The following CEBPZ variants were observed in gnomAD, a reference collection of about 807,000 sequenced individuals.
The protein encoded by CEBPZ is CCAAT/enhancer-binding protein zeta.
CEBPZ carries 78 observed loss-of-function variants against 104.5 expected under a neutral mutation model. That is an observed-to-expected ratio of 0.75 (90% CI 0.62 to 0.90). CEBPZ has a LOEUF of 0.90. Among genes scored for constraint, CEBPZ ranks in the 40% least tolerant of loss-of-function variants. CEBPZ has a pLI of 0.00. For missense variants in CEBPZ, 1,439 were observed against 1,233.5 expected (o/e 1.17, Z -2.50); for synonymous variants, 470 against 427.0 (o/e 1.10, Z -1.24).
At position 37,231,361 on chromosome 2, in the gene CEBPZ, C is replaced by T. The variant is rs201830007; in HGVS notation, c.156+51G>A. 1,748 of 1,610,690 alleles carry T rather than the reference C, an allele frequency of 1.1e-3. 2 individuals are homozygous for T. The highest frequency in any genetic ancestry group is 2.2e-3 in the South Asian group (204 of 90,926). ...GCGGCGGGGCAGTCAGCCTAGCCAC[C>T]TTCGGAACTCTCCACGCCTGATCCC... On this transcript the variant is annotated intron_variant, in intron 1 of 15. Transcript: ENST00000234170.
intron 10 of CEBPZ, chr2:37,212,703 G>C (rs1417521532): frequency 1.1e-5 from 4 of 361,542 alleles, no homozygotes; most frequent in Non-Finnish European, 2.0e-5. Context: ...TACTCTATTA[G>C]AACTACTTAA....
At position 37,211,593 on chromosome 2, in the gene CEBPZ, A is replaced by G. The variant is rs139775347; in HGVS notation, c.2800+250T>C. The G allele has an allele frequency of 5.5e-5, 24 of 436,252 alleles. No individual in the cohort carries two copies. The East Asian group carries it at 8.2e-4, about 15-fold the overall frequency. The allele number at this position is 436,252 out of a possible 1,614,324, so 27.0% of individuals were successfully genotyped here. A position where few individuals can be genotyped will look rare whatever the true frequency, so the allele number is the denominator to read the frequency against. The stretch of plus-strand genomic sequence containing the variant: ...AGCATTTCAGCTCAACATGTATTGT[A>G]CAGAGAAGCTAGCTGCTGGTTAAAG... On this transcript the variant is annotated intron_variant, in intron 12 of 15. Coordinates refer to ENST00000234170, the MANE Select transcript of CEBPZ (RefSeq NM_005760.3).
chr2:37,207,522 A>G lies in CEBPZ; in HGVS notation c.2884+3477T>C, dbSNP rs532213085. Among the ~76,000 whole-genome samples, 4 of 152,306 alleles carry G rather than the reference A, an allele frequency of 2.6e-5. No homozygotes were observed. In the South Asian group the frequency reaches 8.3e-4, roughly 32 times the overall value. On this transcript the variant is annotated intron_variant, in intron 13 of 15. Coordinates refer to ENST00000234170, the MANE Select transcript of CEBPZ (RefSeq NM_005760.3). ...GGAACCCTCAAAACTATATACAAAT[A>G]CATGGAAATTTAATAATCTGCTCTT...
At chr2:37,209,478 GA>G (rs1677648708) in intron 13 of CEBPZ, 1 of 152,156 alleles carries the variant, frequency 6.6e-6, no homozygotes, top group South Asian at 2.1e-4. Flanking sequence ...AGAGAACCCA[GA>G]AATAAAGCCA....
intron 13 of CEBPZ, chr2:37,209,531 CAA>C (rs1343765161): frequency 6.6e-6 from 1 of 152,032 alleles, no homozygotes; most frequent in Non-Finnish European, 1.5e-5. Flanking sequence ...TAAACAAAAA[CAA>C]AGTGGGGAAA....
In CEBPZ at chr2:37,231,456, T is replaced by C. The variant is rs1665099622; in HGVS notation, c.112A>G (p.Asn38Asp). 7 of 1,614,060 alleles carry C rather than the reference T, an allele frequency of 4.3e-6. No homozygotes were observed. The highest frequency in any genetic ancestry group is 5.9e-6 in the Non-Finnish European group (7 of 1,180,036). The stretch of plus-strand genomic sequence containing the variant: ...AACACTTCCTCCAGGGAGAACCCAT[T>C]CTCGGCTTCACTAGTATTATCCTCA... ...EDEDNTSEAE[N>D]GFSLEEVLRL... The change falls in exon 1 of 16, where the codon AAT becomes GAT. Residue 38 changes from asparagine (N) to aspartate (D), a missense_variant. Coordinates refer to ENST00000234170, the MANE Select transcript of CEBPZ (RefSeq NM_005760.3).
rs762215493 is a variant in CEBPZ, at chr2:37,220,451, G to A, written c.2088C>T (p.Tyr696=). ...ACAGAGGGTTTCTACTGAATGGATCGTATTTATTTAACTGTTTCCCACCTA... is the reference window on the plus strand; with the variant it reads ...ACAGAGGGTTTCTACTGAATGGATCATATTTATTTAACTGTTTCCCACCTA... ...NLKGGKQLNK[Y]DPFSRNPLFC... is the part of the protein sequence containing the mutation. The change falls in exon 5 of 16, where the codon TAC becomes TAT. Residue 696 remains tyrosine, a synonymous_variant. Transcript: ENST00000234170. 1.2e-5 allele frequency: 19 copies of A among 1,594,006 alleles called. No individual in the cohort carries two copies. The highest frequency in any genetic ancestry group is 9.1e-5 in the South Asian group (8 of 88,282).
In CEBPZ at chr2:37,213,980, A is replaced by G. The variant is rs1424784699; in HGVS notation, c.2448-19T>C. ...ATAATACCTATAATATTCATGTTAT[A>G]TATTTGACAATTTTATTAAAGGTCT... On this transcript the variant is annotated intron_variant, in intron 9 of 15. Coordinates refer to ENST00000234170, the MANE Select transcript of CEBPZ (RefSeq NM_005760.3). 7.5e-7 allele frequency: 1 copy of G among 1,340,104 alleles called. No homozygotes were observed. Among genetic ancestry groups the G allele is most frequent in the Admixed American group, 2.6e-5 (1 of 37,744 alleles). The allele number at this position is 1,340,104 out of a possible 1,614,324, so 83.0% of individuals were successfully genotyped here.
At chr2:37,229,275 A>G (rs1307329447) in intron 1 of CEBPZ, among the ~76,000 whole-genome samples, 1 of 152,156 alleles carries the variant, frequency 6.6e-6, no homozygotes, top group Non-Finnish European at 1.5e-5. Flanking sequence ...AAAAATATAA[A>G]TTATAAACTG....
chr2:37,225,845 C>T (rs1302625817), intron 2 of CEBPZ, among the ~76,000 whole-genome samples: 158 of 75,320 alleles, frequency 2.1e-3, no homozygotes, highest in South Asian at 0.011. Flanking sequence ...TGGAATGTCT[C>T]GGTATAAAAC....
intron 13 of CEBPZ, chr2:37,203,708 T>C (rs1346468876): frequency 6.6e-6 from 1 of 152,266 alleles, no homozygotes; most frequent in Non-Finnish European, 1.5e-5. Flanking sequence ...CAAAGATCCC[T>C]GGTGCCATTT....
intron 5 of CEBPZ, among the ~76,000 whole-genome samples, chr2:37,219,866 T>A (rs561516557): frequency 1.3e-4 from 20 of 152,202 alleles, no homozygotes; most frequent in Non-Finnish European, 2.1e-4. Flanking sequence ...TCATAACCCA[T>A]GCATGACATC....
rs766361102 is a variant in CEBPZ at position 37,228,722 on chromosome 2, C to A, written c.471G>T (p.Pro157=). ...TGTTCTGTTTATCTTTCTTTACTTT[C>A]GGTGTGGTACTGCCATTCTCATCAG... ...PHSDENGSTT[P]KVKKDKQNIF... The change falls in exon 2 of 16, where the codon CCG becomes CCT. Residue 157 remains proline (P), a synonymous_variant. Coordinates refer to ENST00000234170, the MANE Select transcript of CEBPZ (RefSeq NM_005760.3). The A allele has an allele frequency of 1.2e-6, 2 of 1,614,052 alleles. No individual in the cohort carries two copies. The highest frequency in any genetic ancestry group is 1.7e-6 in the Non-Finnish European group (2 of 1,180,018).
rs139413339 is a variant in CEBPZ, at chr2:37,228,708, T to C, written c.485A>G (p.Asp162Gly). Residue 162 changes from aspartate to glycine, a missense_variant, in exon 2 of 16, where the codon GAT becomes GGT. Physicochemically the swap from Asp to Gly is moderately conservative, Grantham distance 94. Coordinates refer to ENST00000234170, the MANE Select transcript of CEBPZ (RefSeq NM_005760.3). ...NGSTTPKVKK[D>G]KQNIFEFFER... is the part of the protein sequence containing the mutation. ...AAAAAATTCAAAGATGTTCTGTTTATCTTTCTTTACTTTCGGTGTGGTACT... is the reference window on the plus strand; with the variant it reads ...AAAAAATTCAAAGATGTTCTGTTTACCTTTCTTTACTTTCGGTGTGGTACT... 1.6e-5 allele frequency: 26 copies of C among 1,614,238 alleles called. 1 individual carries two copies. In the African/African-American group the frequency reaches 3.1e-4, roughly 19 times the overall value.
chr2:37,204,112 G>A (rs1006657748), intron 13 of CEBPZ: 3 of 152,196 alleles, frequency 2.0e-5, no homozygotes, highest in Middle Eastern at 3.4e-3. Flanking sequence ...ACATTTGCAT[G>A]CATTAGGAAG....
At chr2:37,230,545 C>T (rs1665038738) in intron 1 of CEBPZ, among the ~76,000 whole-genome samples, 1 of 152,166 alleles carries the variant, frequency 6.6e-6, no homozygotes, top group Non-Finnish European at 1.5e-5. Flanking sequence ...CTAACTCCTC[C>T]ACCTTGAAAG....
Position 37,231,591 on chromosome 2 carries a change from A to T in CEBPZ, c.-24T>A. 6.2e-7 allele frequency: 1 copy of T among 1,614,250 alleles called. No homozygotes were observed. The highest frequency in any genetic ancestry group is 8.5e-7 in the Non-Finnish European group (1 of 1,180,050). On this transcript the variant is annotated 5_prime_UTR_variant, in exon 1 of 16. Coordinates refer to ENST00000234170, the MANE Select transcript of CEBPZ (RefSeq NM_005760.3). Reference sequence around the variant, plus strand: ...ATGGCGGGCAAAGCATACGCGCGTGAAACTCAGCCTATTTCCGCTCTGCCA... The same window carrying T: ...ATGGCGGGCAAAGCATACGCGCGTGTAACTCAGCCTATTTCCGCTCTGCCA...
intron 11 of CEBPZ, 141 bp downstream of exon 11, chr2:37,212,194 A>C: frequency 1.0e-6 from 1 of 979,142 alleles, no homozygotes; most frequent in Non-Finnish European, 1.5e-6. Context: ...TAAATGTCAA[A>C]GATGAAAGTA....
chr2:37,209,669 C>T (rs1558469562), intron 13 of CEBPZ: 1 of 152,044 alleles, frequency 6.6e-6, no homozygotes, highest in African/African-American at 2.4e-5. Flanking sequence ...AAGATAAGAC[C>T]TGAAACTGTA....
Sources: gnomAD v4.1 joint callset for allele counts (sites outside exome capture counted in the v4.1 genomes callset) on GRCh38, gnomAD v4.1.1 for gene constraint, MANE v1.5 for transcripts, NCBI Gene and HGNC (gene_info 2026-07-23, HGNC 2026-07-21) for gene names.